Variants in IRAK4 observed in about 807,000 individuals in gnomAD.
IRAK4 encodes interleukin 1 receptor associated kinase 4, also known as interleukin-1 receptor-associated kinase 4.
IRAK4 carries 44 observed loss-of-function variants against 51.8 expected under a neutral mutation model. The observed-to-expected ratio is 0.85, with a 90% CI of 0.67 to 1.09. The LOEUF (loss-of-function observed/expected upper bound fraction) is 1.09. Among genes scored for constraint, IRAK4 ranks in the 50% least tolerant of loss-of-function variants. The probability of loss-of-function intolerance (pLI) is 0.00; values close to 1 mark genes in which losing one functional copy is unlikely to be tolerated. For synonymous variants in IRAK4, 149 were observed against 174.1 expected (o/e 0.86, Z 1.13); for missense variants, 487 against 538.0 (o/e 0.91, Z 0.94).
At chr12:43,765,963 C>CT (rs141633539) in intron 1 of IRAK4, among the ~76,000 whole-genome samples, 8 of 152,072 alleles carry the variant, frequency 5.3e-5, no homozygotes, top group Non-Finnish European at 1.2e-4. Context: ...CTACCCTATA[C>CT]TTTTTCCAAG....
At chr12:43,768,612 G>T in intron 2 of IRAK4, 1 of 194,290 alleles carries the variant, frequency 5.1e-6, no homozygotes. Flanking sequence ...AATGTTACAA[G>T]AATGTCTGGT....
rs140693495 is a variant in IRAK4 at position 43,775,978 on chromosome 12, T to C, written c.717-1652T>C. On this transcript the variant is annotated intron_variant, in intron 6 of 11. Coordinates refer to ENST00000613694, the MANE Select transcript of IRAK4 (RefSeq NM_016123.4). ...CTCACTGCAAGCTCCGCCTCCCAGG[T>C]TCACGCCATTCTCCCGCCTCAGCCT... Among the ~76,000 whole-genome samples the C allele has an allele frequency of 5.0e-3, 744 of 148,724 alleles. 9 individuals carry two copies. The highest frequency in any genetic ancestry group is 0.017 in the African/African-American group (692 of 39,696).
chr12:43,767,125 A>G (rs1444602351), intron 1 of IRAK4, among the ~76,000 whole-genome samples: 2 of 152,224 alleles, frequency 1.3e-5, no homozygotes, highest in African/African-American at 2.4e-5. Flanking sequence ...TTTAAAATAT[A>G]TATAGGGAAG....
intron 5 of IRAK4, chr12:43,773,739 G>T: frequency 1.2e-4 from 39 of 322,254 alleles, no homozygotes; most frequent in South Asian, 4.0e-4. Context: ...ATTTCATTTT[G>T]TTTCCACAAC....
chr12:43,784,583 A>C (rs1431656648), intron 10 of IRAK4, among the ~76,000 whole-genome samples: 1 of 152,316 alleles, frequency 6.6e-6, no homozygotes, highest in East Asian at 1.9e-4. Flanking sequence ...TACTTTACCT[A>C]AGTTTTCCAT....
At chr12:43,766,081 A>T (rs1293111001) in intron 1 of IRAK4, among the ~76,000 whole-genome samples, 4 of 152,192 alleles carry the variant, frequency 2.6e-5, no homozygotes, top group African/African-American at 9.7e-5. Context: ...TAACCATATA[A>T]GATTATTTAA....
At chr12:43,774,851 T>C (rs964165242) in intron 6 of IRAK4, among the ~76,000 whole-genome samples, 1 of 152,242 alleles carries the variant, frequency 6.6e-6, no homozygotes, top group African/African-American at 2.4e-5. Context: ...TAGTGATTGA[T>C]ATTTGAGTGT....
At chr12:43,770,992 A>T in intron 2 of IRAK4, 1 of 677,358 alleles carries the variant, frequency 1.5e-6, no homozygotes. Flanking sequence ...TCTCTTTCAC[A>T]TGCACGTGTG....
At position 43,782,414 on chromosome 12, in the gene IRAK4, GAAC is replaced by G; in HGVS notation, c.1054_1056del (p.Thr352del). Reference sequence around the variant, plus strand: ...ACAGTCATGACTAGCAGAATTGTGGGAACAACAGCTTATATGGCACCAGAAGCT... The same window carrying G: ...ACAGTCATGACTAGCAGAATTGTGGGAACAGCTTATATGGCACCAGAAGCT... On this transcript the variant is annotated inframe_deletion, in exon 9 of 12. Transcript: ENST00000613694. 6.2e-7 allele frequency: 1 copy of G among 1,613,886 alleles called. No homozygotes were observed. The highest frequency in any genetic ancestry group is 8.5e-7 in the Non-Finnish European group (1 of 1,179,844).
intron 3 of IRAK4, 42 bp downstream of exon 3, chr12:43,771,407 A>C (rs777601256): frequency 6.2e-5 from 99 of 1,599,830 alleles, no homozygotes; most frequent in Admixed American, 1.8e-4. Context: ...TAGGGTGGAA[A>C]GACAAATGGC....
In IRAK4 at chr12:43,789,178, G is replaced by A. The variant is rs1448516705; in HGVS notation, c.*2463G>A. The A allele has an allele frequency of 6.6e-6, 1 of 152,174 alleles. No homozygotes were observed. The highest frequency in any genetic ancestry group is 1.9e-4 in the East Asian group (1 of 5,188). The allele number at this position is 152,174 out of a possible 1,614,324, so 9.4% of individuals were successfully genotyped here. A position where few individuals can be genotyped will look rare whatever the true frequency, so the allele number is the denominator to read the frequency against. On this transcript the variant is annotated 3_prime_UTR_variant, in exon 12 of 12. Coordinates refer to ENST00000613694, the MANE Select transcript of IRAK4 (RefSeq NM_016123.4). ...GTTTAAATGTAATCCCCAGTGTTGG[G>A]GGTGGAGGTGGGGCCTGATGGGAAG...
rs988006180 is a variant in IRAK4 at position 43,788,889 on chromosome 12, C to T, written c.*2174C>T. The T allele has an allele frequency of 5.9e-5, 9 of 152,088 alleles. No homozygotes were observed. The highest frequency in any genetic ancestry group is 1.4e-4 in the African/African-American group (6 of 41,396). 9.4% of individuals were successfully genotyped at this position (152,088 alleles called of 1,614,324 possible). A position where few individuals can be genotyped will look rare whatever the true frequency, so the allele number is the denominator to read the frequency against. On this transcript the variant is annotated 3_prime_UTR_variant, in exon 12 of 12. Transcript: ENST00000613694. ...GCCCCTTTCTTTAGCCAATTTCTCC[C>T]TTTTGGGACAAGAATGTTTTACTTA...
At chr12:43,764,486 A>G (rs1565661135) in intron 1 of IRAK4, among the ~76,000 whole-genome samples, 3 of 152,246 alleles carry the variant, frequency 2.0e-5, no homozygotes, top group Non-Finnish European at 4.4e-5. Context: ...ACACTTTTGT[A>G]AGCGATAACA....
chr12:43,781,867 T>G (rs1475123363), intron 8 of IRAK4, among the ~76,000 whole-genome samples: 1 of 152,188 alleles, frequency 6.6e-6, no homozygotes, highest in Non-Finnish European at 1.5e-5. Context: ...ATAAAGAAAT[T>G]CATAATTGAG....
chr12:43,774,400 A>C (rs1054050126), intron 6 of IRAK4, among the ~76,000 whole-genome samples: 55 of 152,062 alleles, frequency 3.6e-4, no homozygotes, highest in African/African-American at 1.3e-3. Flanking sequence ...GTGTGCCACC[A>C]TGCCTGGCTA....
Position 43,786,816 on chromosome 12 carries a change from C to T in IRAK4, c.*101C>T. ...ATATTCTTCTTTACCTTTAACAAGGCATAGGCTGTTGCAGGACAGTGGTTA... is the reference window on the plus strand; with the variant it reads ...ATATTCTTCTTTACCTTTAACAAGGTATAGGCTGTTGCAGGACAGTGGTTA... On this transcript the variant is annotated 3_prime_UTR_variant, in exon 12 of 12. Transcript: ENST00000613694. 9.9e-7 allele frequency: 1 copy of T among 1,009,770 alleles called. No individual in the cohort carries two copies. Among genetic ancestry groups the T allele is most frequent in the South Asian group, 1.4e-5 (1 of 73,430 alleles). 62.6% of individuals were successfully genotyped at this position (1,009,770 alleles called of 1,614,324 possible).
intron 4 of IRAK4, 114 bp from the exon 5 acceptor site, chr12:43,772,798 T>C: frequency 1.3e-6 from 1 of 783,682 alleles, no homozygotes; most frequent in South Asian, 1.8e-5. Flanking sequence ...TCTCATCTTG[T>C]CTAATTCAAA....
intron 9 of IRAK4, 129 bp from the exon 10 acceptor site, chr12:43,783,533 C>T (rs961239829): frequency 1.5e-6 from 1 of 645,408 alleles, no homozygotes; most frequent in African/African-American, 1.8e-5. Context: ...GTTGCCCAGG[C>T]TGGTCGTGAA....
Position 43,787,277 on chromosome 12 carries a change from G to A in IRAK4, c.*562G>A, listed in dbSNP as rs1212544197. On this transcript the variant is annotated 3_prime_UTR_variant, in exon 12 of 12. Coordinates refer to ENST00000613694, the MANE Select transcript of IRAK4 (RefSeq NM_016123.4). Reference sequence around the variant, plus strand: ...CATATATTTATAGATTGTGTTCACAGCAATCATTTAACCACAAATAAAATA... The same window carrying A: ...CATATATTTATAGATTGTGTTCACAACAATCATTTAACCACAAATAAAATA... 6.5e-6 allele frequency: 1 copy of A among 153,104 alleles called. No individual in the cohort carries two copies. Among genetic ancestry groups the A allele is most frequent in the Non-Finnish European group, 1.5e-5 (1 of 68,704 alleles). 9.5% of individuals were successfully genotyped at this position (153,104 alleles called of 1,614,324 possible). A position where few individuals can be genotyped will look rare whatever the true frequency, so the allele number is the denominator to read the frequency against.
Sources: allele counts gnomAD v4.1 joint callset (sites outside exome capture counted in the v4.1 genomes callset), GRCh38; gene constraint gnomAD v4.1.1; transcripts MANE v1.5; gene names NCBI Gene and HGNC (gene_info 2026-07-23, HGNC 2026-07-21).